DNMBP: variants seen among roughly 807,000 people sequenced by gnomAD.
The protein encoded by DNMBP is dynamin-binding protein.
DNMBP carries 87 observed loss-of-function variants against 150.0 expected under a neutral mutation model. The ratio of observed to expected loss-of-function variants is 0.58; its 90% confidence interval spans 0.49 to 0.69. The LOEUF (loss-of-function observed/expected upper bound fraction) is 0.69. Among genes scored for constraint, DNMBP ranks in the 30% least tolerant of loss-of-function variants. DNMBP has a pLI of 0.00. For synonymous variants in DNMBP, 711 were observed against 750.4 expected, an observed-to-expected ratio of 0.95 and a Z score of 0.86; for missense variants, 1,774 against 1,949.0, an observed-to-expected ratio of 0.91 and a Z score of 1.69.
At chr10:99,927,760 G>A (rs1333972126) in intron 4 of DNMBP, among the ~76,000 whole-genome samples, 2 of 152,190 alleles carry the variant, frequency 1.3e-5, no homozygotes, top group African/African-American at 4.8e-5. Flanking sequence ...GATAAAGAGA[G>A]TTGTAGAAAT....
At chr10:99,899,681 T>C (rs1271046634) in intron 7 of DNMBP, among the ~76,000 whole-genome samples, 1 of 152,178 alleles carries the variant, frequency 6.6e-6, no homozygotes, top group African/African-American at 2.4e-5. Context: ...TATGCTCTTA[T>C]TTGGACCAAA....
intron 12 of DNMBP, 58 bp from the exon 13 acceptor site, chr10:99,886,690 T>C: frequency 6.6e-7 from 1 of 1,515,146 alleles, no homozygotes; most frequent in Non-Finnish European, 9.0e-7. Context: ...TTTGTGATTA[T>C]CCAAGTCACT....
intron 4 of DNMBP, among the ~76,000 whole-genome samples, chr10:99,922,548 A>G (rs1184185918): frequency 2.0e-5 from 2 of 102,058 alleles, no homozygotes; most frequent in African/African-American, 7.8e-5. Context: ...AAAAGATCTC[A>G]CTCTCTTGCC....
In DNMBP at chr10:99,882,937, C is replaced by A. The variant is rs575751165; in HGVS notation, c.3997+1074G>T. On this transcript the variant is annotated intron_variant, in intron 15 of 16. Coordinates refer to ENST00000324109, the MANE Select transcript of DNMBP (RefSeq NM_015221.4). Reference sequence around the variant, plus strand: ...AAACAGTTAGCCAGGTGTGGTGGTGCGTGCTACTTGTGAGGCTGAGGCAGG... The same window carrying A: ...AAACAGTTAGCCAGGTGTGGTGGTGAGTGCTACTTGTGAGGCTGAGGCAGG... Among the ~76,000 whole-genome samples, 3 of 152,134 alleles carry A rather than the reference C, an allele frequency of 2.0e-5. No homozygotes were observed. The East Asian group carries it at 5.8e-4, about 30-fold the overall frequency.
chr10:99,945,909 G>A (rs569026372), intron 4 of DNMBP, among the ~76,000 whole-genome samples: 1 of 152,292 alleles, frequency 6.6e-6, no homozygotes, highest in Admixed American at 6.5e-5. Flanking sequence ...AAGAAAATGA[G>A]CTTTCATGAG....
At chr10:99,891,214 C>CGGTCTCCCTCTCA (rs1273286369) in intron 11 of DNMBP, among the ~76,000 whole-genome samples, 6 of 147,974 alleles carry the variant, frequency 4.1e-5, no homozygotes, top group African/African-American at 1.5e-4. Flanking sequence ...TCTCTTTCCA[C>CGGTCTCCCTCTCA]GGTCTCCCTC....
intron 2 of DNMBP, among the ~76,000 whole-genome samples, chr10:99,971,185 C>A (rs1407660326): frequency 6.6e-6 from 1 of 151,972 alleles, no homozygotes; most frequent in South Asian, 2.1e-4. Context: ...GGAATCAACA[C>A]AGAGATGGAA....
chr10:99,926,893 C>T (rs1217299579), intron 4 of DNMBP: 2 of 152,224 alleles, frequency 1.3e-5, no homozygotes, highest in African/African-American at 4.8e-5. Flanking sequence ...GTTCAATAAA[C>T]ACTTCCAGTT....
chr10:99,912,635 G>A (rs2039914869), intron 4 of DNMBP, among the ~76,000 whole-genome samples: 1 of 152,076 alleles, frequency 6.6e-6, no homozygotes, highest in African/African-American at 2.4e-5. Flanking sequence ...AGCAAACCTG[G>A]GTGGGACCGG....
intron 12 of DNMBP, among the ~76,000 whole-genome samples, chr10:99,888,088 G>A (rs866943955): frequency 2.6e-5 from 4 of 152,098 alleles, no homozygotes; most frequent in Admixed American, 6.6e-5. Context: ...CTCCCAAAAT[G>A]CTGGGATTAG....
rs540341998 is a variant in DNMBP, at chr10:99,933,444, G to C, written c.2260+21770C>G. Among the ~76,000 whole-genome samples the C allele has an allele frequency of 1.4e-3, 210 of 152,314 alleles. 1 individual carries two copies. The highest frequency in any genetic ancestry group is 2.7e-3 in the South Asian group (13 of 4,820). ...TAACCAATAAAATAGCAATCCATCA[G>C]GTAATAAAGCTTATCAAAACAGTTA... On this transcript the variant is annotated intron_variant, in intron 4 of 16. Coordinates refer to ENST00000324109, the MANE Select transcript of DNMBP (RefSeq NM_015221.4).
chr10:99,939,932 G>C (rs1376727463), intron 4 of DNMBP, among the ~76,000 whole-genome samples: 1 of 152,190 alleles, frequency 6.6e-6, no homozygotes, highest in Admixed American at 6.5e-5. Flanking sequence ...CCCTATGGTT[G>C]CATCCGCAAC....
At chr10:99,971,832 A>G (rs2040680023) in intron 2 of DNMBP, 148 bp downstream of exon 2, 1 of 828,396 alleles carries the variant, frequency 1.2e-6, no homozygotes, top group Admixed American at 2.7e-5. Context: ...CCAGCTAGGA[A>G]TAATTTTCTT....
chr10:99,971,873 T>G, intron 2 of DNMBP, 107 bp downstream of exon 2: 1 of 939,074 alleles, frequency 1.1e-6, no homozygotes, highest in Non-Finnish European at 1.6e-6. Flanking sequence ...TTTTTTTTTT[T>G]AAGACAGGGT....
At chr10:99,929,684 C>T (rs537935168) in intron 4 of DNMBP, 20 of 702,864 alleles carry the variant, frequency 2.8e-5, no homozygotes, top group Non-Finnish European at 4.7e-5. Flanking sequence ...GGCAACTATT[C>T]CTTCTCCAAG....
chr10:99,960,531 T>A (rs2040552839), intron 3 of DNMBP, among the ~76,000 whole-genome samples: 1 of 152,138 alleles, frequency 6.6e-6, no homozygotes, highest in South Asian at 2.1e-4. Flanking sequence ...TTAGGCCAGG[T>A]GCGGTGGCTC....
At chr10:99,946,665 A>C (rs1183384696) in intron 4 of DNMBP, among the ~76,000 whole-genome samples, 1 of 152,236 alleles carries the variant, frequency 6.6e-6, no homozygotes, top group Non-Finnish European at 1.5e-5. Context: ...CCTTGAATAA[A>C]ACCTAGTTAA....
intron 6 of DNMBP, among the ~76,000 whole-genome samples, chr10:99,906,855 T>C (rs1190477591): frequency 6.6e-6 from 1 of 152,252 alleles, no homozygotes; most frequent in African/African-American, 2.4e-5. Context: ...ACATGTTTAA[T>C]GTTTTCAGCT....
chr10:99,928,467 C>A (rs767139340), intron 4 of DNMBP, among the ~76,000 whole-genome samples: 45 of 152,072 alleles, frequency 3.0e-4, no homozygotes, highest in Admixed American at 1.3e-4. Flanking sequence ...CCAGAAAGGC[C>A]GTTTGGCATG....
Sources: allele counts gnomAD v4.1 joint callset (sites outside exome capture counted in the v4.1 genomes callset), GRCh38; gene constraint gnomAD v4.1.1; transcripts MANE v1.5; gene names NCBI Gene and HGNC (gene_info 2026-07-23, HGNC 2026-07-21).